ANKRD29: variants seen among roughly 807,000 people sequenced by gnomAD.
ANKRD29 encodes the protein ankyrin repeat domain-containing protein 29.
A neutral mutation model predicts 38.0 loss-of-function variants in ANKRD29; 32 were observed. The ratio of observed to expected loss-of-function variants is 0.84; its 90% CI spans 0.64 to 1.13. The LOEUF (loss-of-function observed/expected upper bound fraction) is 1.13. ANKRD29 is among the 50% of genes most tolerant of loss of function. ANKRD29 has a pLI of 0.00. For missense variants in ANKRD29, 357 were observed against 377.9 expected (o/e 0.94, Z 0.46); for synonymous variants, 135 against 152.4 (o/e 0.89, Z 0.84).
chr18:23,651,035 C>T (rs1253995556), intron 1 of ANKRD29, among the ~76,000 whole-genome samples: 2 of 152,110 alleles, frequency 1.3e-5, no homozygotes, highest in African/African-American at 2.4e-5. Flanking sequence ...TTTTTCTAAG[C>T]TCAAAAGAAA....
chr18:23,626,263 T>G (rs1009593018), intron 6 of ANKRD29, among the ~76,000 whole-genome samples: 5 of 152,194 alleles, frequency 3.3e-5, no homozygotes, highest in Non-Finnish European at 5.9e-5. Context: ...TTAGATGACT[T>G]TTCCTCCAGC....
At position 23,662,810 on chromosome 18, in the gene ANKRD29, G is replaced by T. The variant is rs938974537; in HGVS notation, c.-80C>A. ...CTCCCCGGCCCTTCACTCTCCCGGG[G>T]CTCTCGGCGTTCCGCAGAGGGGCGG... is the stretch of plus-strand genomic sequence containing the variant. On this transcript the variant is annotated 5_prime_UTR_variant, in exon 1 of 10. Coordinates refer to ENST00000592179, the MANE Select transcript of ANKRD29 (RefSeq NM_173505.4). 2 of 1,245,818 alleles carry T rather than the reference G, an allele frequency of 1.6e-6. No individual in the cohort carries two copies. The highest frequency in any genetic ancestry group is 1.6e-5 in the African/African-American group (1 of 63,194). The allele number at this position is 1,245,818 out of a possible 1,614,324, so 77.2% of individuals were successfully genotyped here.
intron 1 of ANKRD29, among the ~76,000 whole-genome samples, chr18:23,654,501 T>C (rs1477211189): frequency 1.4e-5 from 2 of 147,558 alleles, no homozygotes. Context: ...ACACGTGTAA[T>C]CCCAGCTACT....
intron 6 of ANKRD29, among the ~76,000 whole-genome samples, chr18:23,623,960 A>G (rs966702098): frequency 6.6e-6 from 1 of 151,806 alleles, no homozygotes; most frequent in South Asian, 2.1e-4. Context: ...ATATTTTTTT[A>G]AATTAAACAT....
chr18:23,632,450 CAG>C (rs1202526272), intron 5 of ANKRD29, among the ~76,000 whole-genome samples: 1 of 150,702 alleles, frequency 6.6e-6, no homozygotes, highest in Non-Finnish European at 1.5e-5. Context: ...CACCTTAAAA[CAG>C]AGAGGAAATT....
At chr18:23,662,674 G>C in intron 1 of ANKRD29, 36 bp downstream of exon 1, 1 of 1,230,426 alleles carries the variant, frequency 8.1e-7, no homozygotes, top group East Asian at 6.0e-5. Flanking sequence ...GCCCGAGCCC[G>C]GCCCCAGCCC....
intron 5 of ANKRD29, among the ~76,000 whole-genome samples, chr18:23,630,961 C>A (rs2059923460): frequency 2.0e-5 from 2 of 97,940 alleles, no homozygotes; most frequent in African/African-American, 3.6e-5. Context: ...AAGTGAGACC[C>A]TGTCTCAAAA....
chr18:23,617,134 T>C (rs1348109123), intron 8 of ANKRD29, among the ~76,000 whole-genome samples: 4 of 152,154 alleles, frequency 2.6e-5, no homozygotes, highest in Admixed American at 6.5e-5. Context: ...GGAGAATCAC[T>C]TGAACCTGGG....
intron 4 of ANKRD29, among the ~76,000 whole-genome samples, chr18:23,636,249 C>T (rs887104434): frequency 6.6e-6 from 1 of 151,608 alleles, no homozygotes; most frequent in Non-Finnish European, 1.5e-5. Flanking sequence ...GATCTTCCTG[C>T]CCTAGCCTCT....
chr18:23,629,765 TTATCTCAGG>T (rs1307139548), intron 6 of ANKRD29, 79 bp downstream of exon 6: 1 of 1,024,052 alleles, frequency 9.8e-7, no homozygotes. Context: ...AGCTTACTGG[TTATCTCAGG>T]TATGTGCTGC....
intron 5 of ANKRD29, among the ~76,000 whole-genome samples, chr18:23,633,637 C>A (rs1252233817): frequency 2.0e-5 from 3 of 152,134 alleles, no homozygotes; most frequent in African/African-American, 7.2e-5. Flanking sequence ...ATGGTGTGAT[C>A]TCAGCTCACC....
chr18:23,631,806 G>A (rs938904044), intron 5 of ANKRD29, among the ~76,000 whole-genome samples: 5 of 152,150 alleles, frequency 3.3e-5, no homozygotes, highest in Non-Finnish European at 7.4e-5. Context: ...TTGGACACAT[G>A]TCACTCGGTG....
chr18:23,613,025 C>G (rs951653962), intron 8 of ANKRD29, among the ~76,000 whole-genome samples: 2 of 151,862 alleles, frequency 1.3e-5, no homozygotes, highest in Non-Finnish European at 2.9e-5. Flanking sequence ...AATATCATAC[C>G]CAGAGAAAAA....
At chr18:23,657,221 C>T (rs961819543) in intron 1 of ANKRD29, among the ~76,000 whole-genome samples, 7 of 152,340 alleles carry the variant, frequency 4.6e-5, no homozygotes, top group Admixed American at 4.6e-4. Flanking sequence ...TACCCCAAAT[C>T]CTGACTTCAT....
At chr18:23,629,815 C>G in intron 6 of ANKRD29, 38 bp downstream of exon 6, 1 of 1,573,166 alleles carries the variant, frequency 6.4e-7, no homozygotes, top group Non-Finnish European at 8.7e-7. Flanking sequence ...CTGCCCCATG[C>G]GCCATGTGCT....
chr18:23,644,130 C>G (rs542324245), intron 3 of ANKRD29, among the ~76,000 whole-genome samples: 1 of 152,318 alleles, frequency 6.6e-6, no homozygotes, highest in African/African-American at 2.4e-5. Flanking sequence ...CTCAGTGCTA[C>G]GAGAGTTTTC....
intron 1 of ANKRD29, among the ~76,000 whole-genome samples, chr18:23,649,874 C>T (rs9961569): frequency 0.016 from 2,476 of 152,244 alleles, 77 homozygotes; most frequent in African/African-American, 0.057. Context: ...GGACTACAGG[C>T]GTGCGCCACC....
At chr18:23,634,276 C>CTGTT (rs2059973269) in intron 4 of ANKRD29, 127 bp from the exon 5 acceptor site, 3 of 447,592 alleles carry the variant, frequency 6.7e-6, no homozygotes. Context: ...CTCACTTTCC[C>CTGTT]TGTTTTTTTT....
chr18:23,611,553 T>C (rs2059641810), intron 9 of ANKRD29, among the ~76,000 whole-genome samples: 1 of 152,040 alleles, frequency 6.6e-6, no homozygotes, highest in African/African-American at 2.4e-5. Context: ...GGCATGGTGG[T>C]CTGCGCCGGT....
Sources: allele counts gnomAD v4.1 joint callset (sites outside exome capture counted in the v4.1 genomes callset), GRCh38; gene constraint gnomAD v4.1.1; transcripts MANE v1.5; gene names NCBI Gene and HGNC (gene_info 2026-07-23, HGNC 2026-07-21).